Variants in EXOC5 observed in about 807,000 individuals in gnomAD.
EXOC5 encodes SEC10-like 1.
In EXOC5, 17 loss-of-function variants were observed where a neutral mutation model predicts 90.8. The observed-to-expected ratio is 0.19, with a 90% CI of 0.13 to 0.28. EXOC5 has a LOEUF of 0.28. EXOC5 is among the 10% of genes least tolerant of loss of function. The pLI is 1.00. For synonymous variants in EXOC5, 260 were observed against 270.0 expected (o/e 0.96, Z 0.36); for missense variants, 569 against 830.6 (o/e 0.69, Z 3.87).
At chr14:57,236,761 A>ATAGT (rs1029623922) in intron 6 of EXOC5, among the ~76,000 whole-genome samples, 4 of 152,114 alleles carry the variant, frequency 2.6e-5, no homozygotes, top group Non-Finnish European at 4.4e-5. Flanking sequence ...CCTACTCTAA[A>ATAGT]TAGTGACCCC....
chr14:57,266,374 C>G (rs1488902203), intron 1 of EXOC5, among the ~76,000 whole-genome samples: 1 of 152,144 alleles, frequency 6.6e-6, no homozygotes, highest in African/African-American at 2.4e-5. Flanking sequence ...CAACTTTTCA[C>G]TTGGGGATGA....
rs1368738490 is a variant in EXOC5, at chr14:57,200,637, AT to A, written c.*7971del. Reference sequence around the variant, plus strand: ...GCAATTACAGTAGCAAGGAGATTGTATAATAGAAAAACATACGGTATGCATT... The same window carrying A: ...GCAATTACAGTAGCAAGGAGATTGTAAATAGAAAAACATACGGTATGCATT... On this transcript the variant is annotated 3_prime_UTR_variant, in exon 18 of 18. Transcript: ENST00000621441. The A allele has an allele frequency of 6.6e-6, 1 of 152,090 alleles. No individual in the cohort carries two copies. Among genetic ancestry groups the A allele is most frequent in the Non-Finnish European group, 1.5e-5 (1 of 68,022 alleles). The allele number at this position is 152,090 out of a possible 1,614,324, so 9.4% of individuals were successfully genotyped here. A position where few individuals can be genotyped will look rare whatever the true frequency, so the allele number is the denominator to read the frequency against.
rs927445423 is a variant in EXOC5, at chr14:57,202,147, C to T, written c.*6462G>A. The T allele has an allele frequency of 1.3e-5, 2 of 151,952 alleles. No homozygotes were observed. The highest frequency in any genetic ancestry group is 2.9e-5 in the Non-Finnish European group (2 of 67,998). 9.4% of individuals were successfully genotyped at this position (151,952 alleles called of 1,614,324 possible). A position where few individuals can be genotyped will look rare whatever the true frequency, so the allele number is the denominator to read the frequency against. On this transcript the variant is annotated 3_prime_UTR_variant, in exon 18 of 18. Coordinates refer to ENST00000621441, the MANE Select transcript of EXOC5 (RefSeq NM_006544.4). ...CAAACAGAATCTAATTACGTGGAAA[C>T]AGAAATCCAAATGTAGGGGTGTTTT...
At chr14:57,243,343 G>A (rs1178227926) in intron 4 of EXOC5, 1 of 152,012 alleles carries the variant, frequency 6.6e-6, no homozygotes, top group Admixed American at 6.5e-5. Context: ...ACCCTATAGA[G>A]TTCTATTAAA....
At position 57,208,608 on chromosome 14, in the gene EXOC5, C is replaced by G; in HGVS notation, c.*1G>C. 6.3e-7 allele frequency: 1 copy of G among 1,587,452 alleles called. No homozygotes were observed. Among genetic ancestry groups the G allele is most frequent in the Non-Finnish European group, 8.6e-7 (1 of 1,160,424 alleles). On this transcript the variant is annotated 3_prime_UTR_variant, in exon 18 of 18. Transcript: ENST00000621441. Reference sequence around the variant, plus strand: ...CACTGAATTCCTTTGTAAATTCAATCTCAGCTGAAGTGTCGAGCAAGGCGG... The same window carrying G: ...CACTGAATTCCTTTGTAAATTCAATGTCAGCTGAAGTGTCGAGCAAGGCGG...
chr14:57,222,470 C>T (rs529020419), intron 12 of EXOC5, 54 bp from the exon 13 acceptor site: 4 of 1,022,214 alleles, frequency 3.9e-6, no homozygotes, highest in South Asian at 1.6e-5. Flanking sequence ...TTTGAAAATG[C>T]CAATTTTTTT....
At chr14:57,232,134 A>T (rs961979931) in intron 10 of EXOC5, 1 of 165,968 alleles carries the variant, frequency 6.0e-6, no homozygotes, top group African/African-American at 2.4e-5. Flanking sequence ...ATTGCTGAAG[A>T]TAGGGTCATA....
In EXOC5 at chr14:57,200,526, T is replaced by C. The variant is rs1882471235; in HGVS notation, c.*8083A>G. On this transcript the variant is annotated 3_prime_UTR_variant, in exon 18 of 18. Transcript: ENST00000621441. ...GTATGATCATTTTTCCTTTGAACTT[T>C]ATTAGTAAAAATATCCTATTGGTAT... The C allele has an allele frequency of 6.6e-6, 1 of 152,166 alleles. No individual in the cohort carries two copies. The highest frequency in any genetic ancestry group is 6.5e-5 in the Admixed American group (1 of 15,282). 9.4% of individuals were successfully genotyped at this position (152,166 alleles called of 1,614,324 possible). A position where few individuals can be genotyped will look rare whatever the true frequency, so the allele number is the denominator to read the frequency against.
At chr14:57,244,627 T>A (rs1275378877) in intron 3 of EXOC5, among the ~76,000 whole-genome samples, 1 of 152,042 alleles carries the variant, frequency 6.6e-6, no homozygotes, top group Non-Finnish European at 1.5e-5. Context: ...CATCCTGTTT[T>A]AAAAAAACAC....
chr14:57,219,677 G>A (rs1883070837), intron 13 of EXOC5, among the ~76,000 whole-genome samples: 1 of 152,046 alleles, frequency 6.6e-6, no homozygotes, highest in Non-Finnish European at 1.5e-5. Context: ...TAGCCTTCAT[G>A]ATTCACGTGA....
intron 1 of EXOC5, among the ~76,000 whole-genome samples, chr14:57,249,241 T>A (rs1235238427): frequency 6.6e-6 from 1 of 152,118 alleles, no homozygotes; most frequent in Non-Finnish European, 1.5e-5. Flanking sequence ...TAGGAAGTAG[T>A]CAGCCCTTTC....
chr14:57,268,028 C>A (rs1405141150), intron 1 of EXOC5, among the ~76,000 whole-genome samples: 1 of 151,998 alleles, frequency 6.6e-6, no homozygotes, highest in South Asian at 2.1e-4. Context: ...CAGTCTATCT[C>A]TCTTCAGTCG....
intron 1 of EXOC5, among the ~76,000 whole-genome samples, chr14:57,262,049 T>C (rs1884518638): frequency 6.6e-6 from 1 of 152,158 alleles, no homozygotes; most frequent in South Asian, 2.1e-4. Flanking sequence ...TCTCCTACTA[T>C]AATCTCCTAC....
At chr14:57,218,941 T>C (rs1883049056) in intron 14 of EXOC5, among the ~76,000 whole-genome samples, 1 of 152,068 alleles carries the variant, frequency 6.6e-6, no homozygotes, top group Non-Finnish European at 1.5e-5. Context: ...CAAAATTTTT[T>C]GTATGTATCT....
chr14:57,264,001 T>A (rs187759887), intron 1 of EXOC5, among the ~76,000 whole-genome samples: 1 of 152,210 alleles, frequency 6.6e-6, no homozygotes, highest in Admixed American at 6.5e-5. Flanking sequence ...TTCCTAATAA[T>A]CCCTGGAAAA....
chr14:57,224,348 GA>G (rs1024247313), intron 12 of EXOC5, among the ~76,000 whole-genome samples: 2 of 150,542 alleles, frequency 1.3e-5, no homozygotes, highest in South Asian at 2.1e-4. Flanking sequence ...AGATTGATCA[GA>G]AAAAAAAATA....
chr14:57,237,317 TA>T lies in EXOC5; in HGVS notation c.559+20del, dbSNP rs1594667296. 7.7e-7 allele frequency: 1 copy of T among 1,295,706 alleles called. No individual in the cohort carries two copies. Among genetic ancestry groups the T allele is most frequent in the Non-Finnish European group, 1.1e-6 (1 of 921,846 alleles). The allele number at this position is 1,295,706 out of a possible 1,614,324, so 80.3% of individuals were successfully genotyped here. On this transcript the variant is annotated intron_variant, in intron 6 of 17. Coordinates refer to ENST00000621441, the MANE Select transcript of EXOC5 (RefSeq NM_006544.4). The stretch of plus-strand genomic sequence containing the variant: ...GTTTTTTTACTTATTAAAAAAAAGG[TA>T]AAATAAATACATCACTTACTTGCAA...
At chr14:57,259,990 C>A (rs1884452759) in intron 1 of EXOC5, among the ~76,000 whole-genome samples, 1 of 152,088 alleles carries the variant, frequency 6.6e-6, no homozygotes, top group African/African-American at 2.4e-5. Context: ...GACCACCACC[C>A]CACAACCCAG....
At chr14:57,209,821 T>C (rs1451834046) in intron 16 of EXOC5, 39 bp from the exon 17 acceptor site, 2 of 1,420,088 alleles carry the variant, frequency 1.4e-6, no homozygotes, top group Non-Finnish European at 2.0e-6. Context: ...CAGGAATGTA[T>C]ACCAGCTTAG....
Sources: gnomAD v4.1 joint callset for allele counts (sites outside exome capture counted in the v4.1 genomes callset) on GRCh38, gnomAD v4.1.1 for gene constraint, MANE v1.5 for transcripts, NCBI Gene and HGNC (gene_info 2026-07-23, HGNC 2026-07-21) for gene names.